Variants in ASTN1 observed in about 807,000 individuals in gnomAD.
ASTN1 encodes the protein astrotactin 1.
A neutral mutation model predicts 140.7 loss-of-function variants in ASTN1; 41 were observed. That is an observed-to-expected ratio of 0.29 (90% CI 0.23 to 0.38). ASTN1 has a LOEUF of 0.38. Among genes scored for constraint, ASTN1 ranks in the 10% least tolerant of loss-of-function variants. The pLI is 1.00. For missense variants in ASTN1, 1,479 were observed against 1,678.8 expected, an observed-to-expected ratio of 0.88 and a Z score of 2.08; for synonymous variants, 640 against 652.2, an observed-to-expected ratio of 0.98 and a Z score of 0.29.
intron 5 of ASTN1, chr1:177,029,360 A>G: frequency 1.5e-6 from 1 of 650,870 alleles, no homozygotes; most frequent in South Asian, 1.4e-5. Flanking sequence ...TCCAGAAGAA[A>G]TTGAGAGTCA....
At chr1:176,877,074 AG>A (rs1336430032) in intron 20 of ASTN1, among the ~76,000 whole-genome samples, 15 of 152,232 alleles carry the variant, frequency 9.9e-5, no homozygotes, top group Admixed American at 9.8e-4. Flanking sequence ...ACAACCACTC[AG>A]GGGAAGAGTT....
chr1:177,082,186 G>A (rs1679212831), intron 1 of ASTN1, among the ~76,000 whole-genome samples: 1 of 152,166 alleles, frequency 6.6e-6, no homozygotes. Flanking sequence ...CACAAGTGAT[G>A]GTAAGTGGAA....
At chr1:176,898,222 C>A (rs1476798963) in intron 16 of ASTN1, among the ~76,000 whole-genome samples, 1 of 152,182 alleles carries the variant, frequency 6.6e-6, no homozygotes, top group African/African-American at 2.4e-5. Context: ...AGGGAACCCA[C>A]CAAACTCTTG....
chr1:176,918,473 T>C (rs1670587426), intron 16 of ASTN1, among the ~76,000 whole-genome samples: 1 of 152,140 alleles, frequency 6.6e-6, no homozygotes, highest in Non-Finnish European at 1.5e-5. Flanking sequence ...ACATGTTCCA[T>C]CTCATTGGCT....
intron 16 of ASTN1, among the ~76,000 whole-genome samples, chr1:176,904,445 C>T (rs1669900460): frequency 6.6e-6 from 1 of 152,094 alleles, no homozygotes; most frequent in South Asian, 2.1e-4. Context: ...TGCTGTGTCG[C>T]CACAGACAGA....
chr1:177,039,405 T>C (rs563010216), intron 2 of ASTN1, among the ~76,000 whole-genome samples: 49 of 152,368 alleles, frequency 3.2e-4, no homozygotes, highest in African/African-American at 1.2e-3. Flanking sequence ...TTATATGTTT[T>C]TCTGGATATC....
intron 1 of ASTN1, among the ~76,000 whole-genome samples, chr1:177,076,232 T>C (rs531056431): frequency 9.9e-5 from 14 of 141,932 alleles, no homozygotes; most frequent in African/African-American, 3.6e-4. Context: ...TGAGCCGAGA[T>C]TGTGCCACTG....
At chr1:176,989,324 T>G (rs1674051707) in intron 8 of ASTN1, among the ~76,000 whole-genome samples, 2 of 152,224 alleles carry the variant, frequency 1.3e-5, no homozygotes, top group African/African-American at 4.8e-5. Context: ...GTCAAAGGCA[T>G]TAGATCTAAT....
chr1:176,878,960 G>T (rs866794403), intron 20 of ASTN1, among the ~76,000 whole-genome samples: 1 of 152,272 alleles, frequency 6.6e-6, no homozygotes, highest in Middle Eastern at 3.4e-3. Flanking sequence ...TTGTGCGTAG[G>T]AAGTCCGTCC....
At chr1:176,995,437 G>A (rs1359333523) in intron 8 of ASTN1, among the ~76,000 whole-genome samples, 1 of 152,162 alleles carries the variant, frequency 6.6e-6, no homozygotes, top group East Asian at 1.9e-4. Flanking sequence ...TTAACAGTAA[G>A]TAGAAAGTAA....
chr1:177,029,445 C>CT, intron 5 of ASTN1, 189 bp downstream of exon 5: 1 of 762,286 alleles, frequency 1.3e-6, no homozygotes, highest in Non-Finnish European at 2.4e-6. Flanking sequence ...AGATGATTCT[C>CT]TGAAATTTTC....
intron 8 of ASTN1, among the ~76,000 whole-genome samples, chr1:176,993,517 C>T (rs1465087663): frequency 6.6e-6 from 1 of 152,092 alleles, no homozygotes; most frequent in African/African-American, 2.4e-5. Context: ...AACTCCCTTA[C>T]CTCTACAAAT....
chr1:177,034,883 C>T (rs138936992), intron 2 of ASTN1, among the ~76,000 whole-genome samples: 18 of 152,288 alleles, frequency 1.2e-4, no homozygotes, highest in Middle Eastern at 6.8e-3. Context: ...GTAAGAGTAG[C>T]GTAAGCATCA....
At chr1:177,066,243 A>G (rs1167510454) in intron 1 of ASTN1, among the ~76,000 whole-genome samples, 1 of 152,262 alleles carries the variant, frequency 6.6e-6, no homozygotes, top group East Asian at 1.9e-4. Context: ...CCATGTTCCC[A>G]CTGGACCTCA....
chr1:177,045,502 A>G (rs928278593), intron 2 of ASTN1, among the ~76,000 whole-genome samples: 1 of 152,132 alleles, frequency 6.6e-6, no homozygotes, highest in African/African-American at 2.4e-5. Flanking sequence ...GATAGCTCTG[A>G]GGGGCACTCC....
rs78596421 is a variant in ASTN1, at chr1:176,901,688, C to A, written c.2672-6858G>T. Among the ~76,000 whole-genome samples the A allele has an allele frequency of 4.7e-3, 720 of 152,244 alleles. 5 individuals carry two copies. Among genetic ancestry groups the A allele is most frequent in the Non-Finnish European group, 9.1e-3 (616 of 68,024 alleles). ...GTCTTCTGCAGTTTTGCTATGCTGC[C>A]CAGTCTCAGTCTGCACACAAGGAGC... On this transcript the variant is annotated intron_variant, in intron 16 of 22. Coordinates refer to ENST00000361833, the MANE Select transcript of ASTN1 (RefSeq NM_004319.3).
rs1667946548 is a variant in ASTN1 at position 176,861,175 on chromosome 1, T to C, written c.*3109A>G. Reference sequence around the variant, plus strand: ...GTTATACCTGAAGATGGTCATATTATATTCTTTCTTCCTTCTGCAGTAGTA... The same window carrying C: ...GTTATACCTGAAGATGGTCATATTACATTCTTTCTTCCTTCTGCAGTAGTA... On this transcript the variant is annotated 3_prime_UTR_variant, in exon 23 of 23. Coordinates refer to ENST00000361833, the MANE Select transcript of ASTN1 (RefSeq NM_004319.3). 2 of 958,888 alleles carry C rather than the reference T, an allele frequency of 2.1e-6. No individual in the cohort carries two copies. Among genetic ancestry groups the C allele is most frequent in the Admixed American group, 1.2e-4 (2 of 16,238 alleles). The allele number at this position is 958,888 out of a possible 1,614,324, so 59.4% of individuals were successfully genotyped here. A position where few individuals can be genotyped will look rare whatever the true frequency, so the allele number is the denominator to read the frequency against.
At chr1:177,152,637 T>C (rs765174317) in intron 1 of ASTN1, among the ~76,000 whole-genome samples, 1 of 152,078 alleles carries the variant, frequency 6.6e-6, no homozygotes, top group African/African-American at 2.4e-5. Flanking sequence ...TATTTAATTA[T>C]TTCTTAATTA....
At chr1:177,121,083 C>CATAT (rs58390538) in intron 1 of ASTN1, among the ~76,000 whole-genome samples, 24,696 of 148,964 alleles carry the variant, frequency 0.17, 3,496 homozygotes, top group African/African-American at 0.39. Flanking sequence ...GCTGGTGATA[C>CATAT]ATATATATAT....
Sources: allele counts gnomAD v4.1 joint callset (sites outside exome capture counted in the v4.1 genomes callset), GRCh38; gene constraint gnomAD v4.1.1; transcripts MANE v1.5; gene names NCBI Gene and HGNC (gene_info 2026-07-23, HGNC 2026-07-21).